PDE4B: variants seen among roughly 807,000 people sequenced by gnomAD.
PDE4B encodes the protein 3',5'-cyclic-AMP phosphodiesterase 4B.
In PDE4B, 20 loss-of-function variants were observed where a neutral mutation model predicts 82.2. The ratio of observed to expected loss-of-function variants is 0.24; its 90% confidence interval spans 0.17 to 0.35. The LOEUF (loss-of-function observed/expected upper bound fraction) is 0.35, where lower values mean the gene tolerates loss of function less well. PDE4B is among the 10% of genes least tolerant of loss of function. The pLI, the probability that PDE4B is intolerant of heterozygous loss-of-function variation, is 1.00. For synonymous variants in PDE4B, 320 were observed against 318.9 expected (o/e 1.00, Z -0.04); for missense variants, 655 against 907.2 (o/e 0.72, Z 3.57).
intron 1 of PDE4B, among the ~76,000 whole-genome samples, chr1:65,814,769 C>A (rs1332616454): frequency 6.6e-6 from 1 of 151,988 alleles, no homozygotes; most frequent in Non-Finnish European, 1.5e-5. Context: ...TGGGATATAG[C>A]AAAATGTCTT....
At chr1:66,007,971 A>G (rs1392850044) in intron 3 of PDE4B, among the ~76,000 whole-genome samples, 1 of 152,118 alleles carries the variant, frequency 6.6e-6, no homozygotes, top group African/African-American at 2.4e-5. Context: ...ATAGATACAG[A>G]GGTATATCAT....
chr1:65,844,911 T>C (rs553008770), intron 1 of PDE4B, among the ~76,000 whole-genome samples: 10 of 152,252 alleles, frequency 6.6e-5, no homozygotes, highest in Admixed American at 5.9e-4. Context: ...AGCAGCTCTA[T>C]TTAGGAGTAG....
intron 7 of PDE4B, among the ~76,000 whole-genome samples, chr1:66,310,853 G>A (rs2101865637): frequency 6.6e-6 from 1 of 152,288 alleles, no homozygotes; most frequent in African/African-American, 2.4e-5. Flanking sequence ...GTAAAATGGG[G>A]AAGGTAATGC....
intron 3 of PDE4B, among the ~76,000 whole-genome samples, chr1:66,070,829 A>T (rs1437598225): frequency 6.6e-6 from 1 of 152,076 alleles, no homozygotes; most frequent in Admixed American, 6.6e-5. Context: ...ATTCATAAAG[A>T]TTTGTTTAAG....
At chr1:65,873,133 G>T (rs564055551) in intron 1 of PDE4B, among the ~76,000 whole-genome samples, 16 of 152,252 alleles carry the variant, frequency 1.1e-4, no homozygotes, top group Non-Finnish European at 1.2e-4. Flanking sequence ...GGGCTGTGGA[G>T]GGATGGTGCA....
At chr1:65,822,695 G>C (rs1276989893) in intron 1 of PDE4B, among the ~76,000 whole-genome samples, 1 of 152,038 alleles carries the variant, frequency 6.6e-6, no homozygotes, top group Non-Finnish European at 1.5e-5. Flanking sequence ...CCCTTCCGCT[G>C]CTTCTACCAC....
intron 12 of PDE4B, among the ~76,000 whole-genome samples, chr1:66,364,048 A>G (rs1663035337): frequency 1.3e-5 from 2 of 152,132 alleles, no homozygotes; most frequent in African/African-American, 2.4e-5. Flanking sequence ...TCTTCATTGT[A>G]TTTCTACTAA....
At chr1:66,190,692 C>T (rs1647706610) in intron 3 of PDE4B, among the ~76,000 whole-genome samples, 1 of 152,158 alleles carries the variant, frequency 6.6e-6, no homozygotes, top group African/African-American at 2.4e-5. Flanking sequence ...TGGAAGAGTG[C>T]AGTATTAGGG....
intron 1 of PDE4B, among the ~76,000 whole-genome samples, chr1:65,848,925 A>G (rs1351059974): frequency 6.6e-6 from 1 of 152,156 alleles, no homozygotes; most frequent in African/African-American, 2.4e-5. Context: ...ATCAAGAGAC[A>G]GGAACCACAC....
chr1:66,089,593 T>G (rs1405162517), intron 3 of PDE4B, among the ~76,000 whole-genome samples: 4 of 150,848 alleles, frequency 2.7e-5, no homozygotes, highest in Non-Finnish European at 5.9e-5. Flanking sequence ...GATACAGAGG[T>G]TTTTTTTTCA....
At chr1:65,811,320 G>T (rs187296856) in intron 1 of PDE4B, among the ~76,000 whole-genome samples, 1 of 152,308 alleles carries the variant, frequency 6.6e-6, no homozygotes, top group Non-Finnish European at 1.5e-5. Flanking sequence ...GTATTTCATG[G>T]ACTACGTCTT....
intron 3 of PDE4B, among the ~76,000 whole-genome samples, chr1:66,216,731 G>C (rs769072748): frequency 1.3e-5 from 2 of 152,270 alleles, no homozygotes; most frequent in Non-Finnish European, 2.9e-5. Context: ...CCAGTGCATG[G>C]TGTGCAAGAG....
chr1:65,802,425 A>C (rs894834182), intron 1 of PDE4B, among the ~76,000 whole-genome samples: 2 of 152,178 alleles, frequency 1.3e-5, no homozygotes, highest in Admixed American at 6.5e-5. Flanking sequence ...AATAAGGAAA[A>C]TATTAGCTTC....
intron 3 of PDE4B, among the ~76,000 whole-genome samples, chr1:66,054,709 T>C (rs1328632603): frequency 6.6e-6 from 1 of 152,236 alleles, no homozygotes; most frequent in East Asian, 1.9e-4. Flanking sequence ...ATGATATCTT[T>C]CTCATGTGTA....
intron 1 of PDE4B, among the ~76,000 whole-genome samples, chr1:65,894,055 T>G (rs1295528143): frequency 6.6e-6 from 1 of 152,020 alleles, no homozygotes; most frequent in African/African-American, 2.4e-5. Context: ...GTACACTGCT[T>G]GGGTGATGGG....
At chr1:66,070,384 A>G (rs1395500317) in intron 3 of PDE4B, among the ~76,000 whole-genome samples, 1 of 152,044 alleles carries the variant, frequency 6.6e-6, no homozygotes, top group Non-Finnish European at 1.5e-5. Context: ...TGGAGAAAAA[A>G]GAATGTGTCA....
chr1:66,035,741 A>G (rs370937120), intron 3 of PDE4B, among the ~76,000 whole-genome samples: 3 of 152,258 alleles, frequency 2.0e-5, no homozygotes, highest in Non-Finnish European at 2.9e-5. Context: ...AAAATTATTC[A>G]TCAGTTTATA....
intron 3 of PDE4B, among the ~76,000 whole-genome samples, chr1:65,919,540 C>T (rs1268359962): frequency 6.6e-6 from 1 of 152,038 alleles, no homozygotes; most frequent in African/African-American, 2.4e-5. Context: ...AAATATTTTT[C>T]AGGAAGGATT....
intron 1 of PDE4B, among the ~76,000 whole-genome samples, chr1:65,854,630 G>C (rs1292230114): frequency 6.6e-6 from 1 of 151,894 alleles, no homozygotes; most frequent in Non-Finnish European, 1.5e-5. Flanking sequence ...ATGCTTTTAA[G>C]TATTTATATT....
Sources: gnomAD v4.1 joint callset for allele counts (sites outside exome capture counted in the v4.1 genomes callset) on GRCh38, gnomAD v4.1.1 for gene constraint, MANE v1.5 for transcripts, NCBI Gene and HGNC (gene_info 2026-07-23, HGNC 2026-07-21) for gene names.